IGFN1: variants seen among roughly 807,000 people sequenced by gnomAD.
IGFN1 encodes the protein immunoglobulin like and fibronectin type III domain containing 1, also known as immunoglobulin-like and fibronectin type III domain-containing protein 1.
Under a neutral mutation model 289.5 loss-of-function variants are expected in IGFN1, and 253 were observed. The ratio of observed to expected loss-of-function variants is 0.87; its 90% CI spans 0.79 to 0.97. IGFN1 has a LOEUF of 0.97. IGFN1 is among the 50% of genes least tolerant of loss of function. The pLI is 0.00. For synonymous variants in IGFN1, 1,706 were observed against 1,788.5 expected, an observed-to-expected ratio of 0.95 and a Z score of 1.16; for missense variants, 4,470 against 4,686.1, an observed-to-expected ratio of 0.95 and a Z score of 1.35.
At chr1:201,193,112 G>A (rs1558130779) in intron 1 of IGFN1, 135 bp from the exon 2 acceptor site, 1 of 595,770 alleles carries the variant, frequency 1.7e-6, no homozygotes, top group Non-Finnish European at 3.0e-6. Context: ...TGCCATTAGT[G>A]GGTTAGAAAA....
chr1:201,212,415 G>T lies in IGFN1; in HGVS notation c.7522G>T (p.Ala2508Ser). 2.6e-6 allele frequency: 4 copies of T among 1,537,054 alleles called. No homozygotes were observed. The highest frequency in any genetic ancestry group is 3.5e-6 in the Non-Finnish European group (4 of 1,146,816). The change falls in exon 12 of 24, where the codon GCT becomes TCT. Residue 2508 changes from alanine to serine, a missense_variant. Physicochemically the swap from Ala to Ser is moderately conservative, Grantham distance 99 (BLOSUM62 1). Coordinates refer to ENST00000335211, the MANE Select transcript of IGFN1 (RefSeq NM_001164586.2). ...TCCAGGGTCTTCTAGAGACAGAGGG[G>T]CTCCCAGGGTGAAGGATAGGTCTCC... Reference protein sequence around the residue: ...GTPGSSRDRGAPRVKDRSPDQ... With the variant: ...GTPGSSRDRGSPRVKDRSPDQ...
rs1406103407 is a variant in IGFN1 at position 201,211,597 on chromosome 1, G to C, written c.6704G>C (p.Gly2235Ala). ...GSGSKAGFRD[G>A]LGSSGEMGSM... ...GGGAGTAAGGCAGGTTTCAGGGATGGTTTAGGGAGTTCTGGGGAAATGGGG... is the reference window on the plus strand; with the variant it reads ...GGGAGTAAGGCAGGTTTCAGGGATGCTTTAGGGAGTTCTGGGGAAATGGGG... The change falls in exon 12 of 24, where the codon GGT becomes GCT. Residue 2235 changes from glycine (G) to alanine (A), a missense_variant. Gly to Ala is a moderately conservative substitution (Grantham distance 60, BLOSUM62 0). Around this residue, in one of 8 missense-constraint regions of IGFN1, gnomAD observed 2,218 missense variants for 2,114.1 expected, o/e 1.05. Transcript: ENST00000335211. 4 of 1,535,468 alleles carry C rather than the reference G, an allele frequency of 2.6e-6. No individual in the cohort carries two copies. The highest frequency in any genetic ancestry group is 3.5e-6 in the Non-Finnish European group (4 of 1,146,282).
In IGFN1 at chr1:201,207,498, G is replaced by T. The variant is rs1357443023; in HGVS notation, c.2605G>T (p.Gly869Cys). Reference protein sequence around the residue: ...LGPSGGQEGMGGIWVAGLTES... With the variant: ...LGPSGGQEGMCGIWVAGLTES... ...GCCCAGTGGAGGACAAGAGGGTATG[G>T]GTGGTATCTGGGTGGCTGGACTGAC... Residue 869 changes from glycine to cysteine, a missense_variant, in exon 12 of 24, where the codon GGT becomes TGT. By Grantham distance (159) the Gly-to-Cys change is radical (BLOSUM62 -3). Transcript: ENST00000335211. 1 of 1,534,890 alleles carries T rather than the reference G, an allele frequency of 6.5e-7. No homozygotes were observed. The highest frequency in any genetic ancestry group is 8.7e-7 in the Non-Finnish European group (1 of 1,145,808).
At chr1:201,196,086 G>C in intron 4 of IGFN1, 108 bp downstream of exon 4, 4 of 1,097,092 alleles carry the variant, frequency 3.6e-6, no homozygotes, top group Non-Finnish European at 5.0e-6. Flanking sequence ...CATACTCCTC[G>C]TTGAGGTTGA....
Position 201,211,479 on chromosome 1 carries a change from T to G in IGFN1, c.6586T>G (p.Phe2196Val), listed in dbSNP as rs1312214835. The G allele has an allele frequency of 6.7e-7, 1 of 1,498,950 alleles. No individual in the cohort carries two copies. The highest frequency in any genetic ancestry group is 2.6e-5 in the East Asian group (1 of 38,162). The allele number at this position is 1,498,950 out of a possible 1,614,324, so 92.9% of individuals were successfully genotyped here. ...EGMGSGSKAG[F>V]RDGLGGSEEM... is the part of the protein sequence containing the mutation. ...AATGGGTTCAGGGAGTAAGGCAGGT[T>G]TCAGGGATGGTTTAGGGGGTTCTGA... The change falls in exon 12 of 24, where the codon TTC (phenylalanine) becomes GTC (valine). Residue 2196 changes from phenylalanine (F) to valine (V), a missense_variant. Coordinates refer to ENST00000335211, the MANE Select transcript of IGFN1 (RefSeq NM_001164586.2).
chr1:201,216,350 G>A, intron 15 of IGFN1, 104 bp from the exon 16 acceptor site: 5 of 911,328 alleles, frequency 5.5e-6, no homozygotes, highest in Non-Finnish European at 8.0e-6. Flanking sequence ...TGAGTGGATG[G>A]GGGTGGGGGG....
rs189545142 is a variant in IGFN1, at chr1:201,212,770, C to A, written c.7877C>A (p.Ala2626Asp). 68 of 1,551,552 alleles carry A rather than the reference C, an allele frequency of 4.4e-5. No individual in the cohort carries two copies. The African/African-American group carries it at 7.8e-4, about 18-fold the overall frequency. Residue 2626 changes from alanine (A) to aspartate (D), a missense_variant, in exon 12 of 24, where the codon GCT becomes GAT. Ala to Asp is a moderately radical substitution (Grantham distance 126). Around this residue, in one of 8 missense-constraint regions of IGFN1, gnomAD observed 2,218 missense variants for 2,114.1 expected, o/e 1.05. Coordinates refer to ENST00000335211, the MANE Select transcript of IGFN1 (RefSeq NM_001164586.2). ...ADRQGTSNAW[A>D]PDWENQGFSQ... ...AGACAAGGGACGAGCAATGCTTGGGCTCCTGATTGGGAAAACCAGGGGTTT... is the reference window on the plus strand; with the variant it reads ...AGACAAGGGACGAGCAATGCTTGGGATCCTGATTGGGAAAACCAGGGGTTT...
At chr1:201,222,970 A>G in intron 20 of IGFN1, 143 bp downstream of exon 20, 1 of 540,354 alleles carries the variant, frequency 1.9e-6, no homozygotes, top group Non-Finnish European at 3.3e-6. Flanking sequence ...GCTTGTGGAA[A>G]TCAGGTGAGA....
chr1:201,214,035 G>T, intron 12 of IGFN1, 142 bp from the exon 13 acceptor site: 1 of 826,882 alleles, frequency 1.2e-6, no homozygotes, highest in Non-Finnish European at 1.8e-6. Context: ...GGGCATTGGA[G>T]CCAAGATAGC....
rs868240744 is a variant in IGFN1 at position 201,209,395 on chromosome 1, T to C, written c.4502T>C (p.Val1501Ala). The change falls in exon 12 of 24, where the codon GTT becomes GCT. Residue 1501 changes from valine (V) to alanine (A), a missense_variant. By Grantham distance (64) the Val-to-Ala change is moderately conservative. Transcript: ENST00000335211. ...GCAGGCTATAGGAAAGATTTGGGGG[T>C]TTCTGAGGGAGGGGGTTCAGGGAGC... ...IEAGYRKDLG[V>A]SEGGGSGSKA... 12 of 1,510,774 alleles carry C rather than the reference T, an allele frequency of 7.9e-6. No homozygotes were observed. The highest frequency in any genetic ancestry group is 1.4e-5 in the African/African-American group (1 of 69,268). The allele number at this position is 1,510,774 out of a possible 1,614,324, so 93.6% of individuals were successfully genotyped here. A position where few individuals can be genotyped will look rare whatever the true frequency, so the allele number is the denominator to read the frequency against.
In IGFN1 at chr1:201,221,594, C is replaced by T. The variant is rs752567503; in HGVS notation, c.10049C>T (p.Pro3350Leu). ...AGCTCAGACAGTCTCCAGTGGCTCC[C>T]GTGCCATGTGGGCACCGTGCCAGTC... Reference protein sequence around the residue: ...LCSSDSLQWLPCHVGTVPVTT... With the variant: ...LCSSDSLQWLLCHVGTVPVTT... Residue 3350 changes from proline (P) to leucine (L), a missense_variant, in exon 19 of 24, where the codon CCG becomes CTG. Pro to Leu is a moderately conservative substitution (Grantham distance 98). Coordinates refer to ENST00000335211, the MANE Select transcript of IGFN1 (RefSeq NM_001164586.2). The T allele has an allele frequency of 7.4e-6, 12 of 1,614,182 alleles. No homozygotes were observed. The highest frequency in any genetic ancestry group is 6.7e-5 in the East Asian group (3 of 44,880).
chr1:201,219,951 C>A (rs1013253921), intron 18 of IGFN1, among the ~76,000 whole-genome samples: 1 of 149,112 alleles, frequency 6.7e-6, no homozygotes, highest in Non-Finnish European at 1.5e-5. Flanking sequence ...TTCCTTCTTT[C>A]TCTCTCTCCT....
At position 201,209,371 on chromosome 1, in the gene IGFN1, C is replaced by T; in HGVS notation, c.4478C>T (p.Ala1493Val). 6.7e-7 allele frequency: 1 copy of T among 1,498,658 alleles called. No homozygotes were observed. Among genetic ancestry groups the T allele is most frequent in the Non-Finnish European group, 8.8e-7 (1 of 1,131,202 alleles). 92.8% of individuals were successfully genotyped at this position (1,498,658 alleles called of 1,614,324 possible). Residue 1493 changes from alanine (A) to valine (V), a missense_variant, in exon 12 of 24, where the codon GCA becomes GTA. By Grantham distance (64) the Ala-to-Val change is moderately conservative. Coordinates refer to ENST00000335211, the MANE Select transcript of IGFN1 (RefSeq NM_001164586.2). ...TCTGGGGAAATGGGGTTAATTGAGG[C>T]AGGCTATAGGAAAGATTTGGGGGTT... is the stretch of plus-strand genomic sequence containing the variant. ...RGSGEMGLIE[A>V]GYRKDLGVSE...
In IGFN1 at chr1:201,206,721, C is replaced by T. The variant is rs746139358; in HGVS notation, c.1828C>T (p.Leu610=). Residue 610 remains leucine (L), a synonymous_variant, in exon 12 of 24, where the codon CTG becomes TTG. Coordinates refer to ENST00000335211, the MANE Select transcript of IGFN1 (RefSeq NM_001164586.2). ...RLGPGRGKSD[L]QGCQSDPVGS... ...GGGACCTGGGAGAGGAAAGAGCGACCTGCAGGGATGCCAGTCTGATCCTGT... is the reference window on the plus strand; with the variant it reads ...GGGACCTGGGAGAGGAAAGAGCGACTTGCAGGGATGCCAGTCTGATCCTGT... 21 of 1,536,666 alleles carry T rather than the reference C, an allele frequency of 1.4e-5. No individual in the cohort carries two copies. The highest frequency in any genetic ancestry group is 1.8e-5 in the Non-Finnish European group (21 of 1,146,912).
chr1:201,197,027 A>G (rs1666950828), intron 4 of IGFN1, among the ~76,000 whole-genome samples, 191 bp from the exon 5 acceptor site: 1 of 152,190 alleles, frequency 6.6e-6, no homozygotes, highest in Admixed American at 6.5e-5. Context: ...ATGGCAAAGA[A>G]TTGATACATC....
At chr1:201,219,062 AAG>A (rs2102362557) in intron 18 of IGFN1, among the ~76,000 whole-genome samples, 1 of 27,866 alleles carries the variant, frequency 3.6e-5, no homozygotes, top group East Asian at 0.026. Flanking sequence ...GAAAAGAAAG[AAG>A]AAAAAAAAAA....
At chr1:201,227,622 G>T (rs10920146) in intron 23 of IGFN1, among the ~76,000 whole-genome samples, 43,400 of 151,380 alleles carry the variant, frequency 0.29, 10,164 homozygotes, top group African/African-American at 0.65. Flanking sequence ...TAGAAGGGGG[G>T]TTTCATCATA....
Position 201,206,470 on chromosome 1 carries a change from G to A in IGFN1, c.1577G>A (p.Gly526Glu), listed in dbSNP as rs1441946757. 1 of 1,551,214 alleles carries A rather than the reference G, an allele frequency of 6.4e-7. No homozygotes were observed. Among genetic ancestry groups the A allele is most frequent in the Non-Finnish European group, 8.7e-7 (1 of 1,146,972 alleles). Reference protein sequence around the residue: ...RSLAERPHLQGESSESGLGLP... With the variant: ...RSLAERPHLQEESSESGLGLP... ...CTTGCAGAGAGGCCCCATCTACAGG[G>A]AGAGAGCTCAGAATCAGGGTTGGGC... Residue 526 changes from glycine to glutamate, a missense_variant, in exon 12 of 24, where the codon GGA (glycine) becomes GAA (glutamate). By Grantham distance (98) the Gly-to-Glu change is moderately conservative (BLOSUM62 -2). Around this residue, in one of 8 missense-constraint regions of IGFN1, gnomAD observed 2,011 missense variants for 1,953.4 expected, o/e 1.03. Transcript: ENST00000335211.
In IGFN1 at chr1:201,206,431, G is replaced by T. The variant is rs1275117967; in HGVS notation, c.1538G>T (p.Gly513Val). 2 of 1,551,202 alleles carry T rather than the reference G, an allele frequency of 1.3e-6. No homozygotes were observed. Among genetic ancestry groups the T allele is most frequent in the East Asian group, 2.4e-5 (1 of 40,930 alleles). Reference sequence around the variant, plus strand: ...GAAAATCAATCCCACAGAGAGGGAGGCTGGGCCAGAAGCCTTGCAGAGAGG... The same window carrying T: ...GAAAATCAATCCCACAGAGAGGGAGTCTGGGCCAGAAGCCTTGCAGAGAGG... Reference protein sequence around the residue: ...PRENQSHREGGWARSLAERPH... With the variant: ...PRENQSHREGVWARSLAERPH... Residue 513 changes from glycine to valine, a missense_variant, in exon 12 of 24, where the codon GGC becomes GTC. By Grantham distance (109) the Gly-to-Val change is moderately radical (BLOSUM62 -3). Around this residue, in one of 8 missense-constraint regions of IGFN1, gnomAD observed 2,011 missense variants for 1,953.4 expected, o/e 1.03. Coordinates refer to ENST00000335211, the MANE Select transcript of IGFN1 (RefSeq NM_001164586.2).
Sources: gnomAD v4.1 joint callset for allele counts (sites outside exome capture counted in the v4.1 genomes callset) on GRCh38, gnomAD v4.1.1 for gene constraint, gnomAD v4.1.1 regional missense constraint, MANE v1.5 for transcripts, NCBI Gene and HGNC (gene_info 2026-07-23, HGNC 2026-07-21) for gene names.